Variants in TASP1 observed in about 807,000 individuals in gnomAD.
TASP1 encodes threonine aspartase 1.
In TASP1, 16 loss-of-function variants were observed where a neutral mutation model predicts 56.6. The observed-to-expected ratio is 0.28, with a 90% CI of 0.19 to 0.43. The LOEUF is 0.43. Ranked by LOEUF, TASP1 falls within the 20% of genes least tolerant of loss-of-function variation. The pLI is 1.00. For missense variants in TASP1, 393 were observed against 511.6 expected (o/e 0.77, Z 2.24); for synonymous variants, 179 against 184.2 (o/e 0.97, Z 0.23).
chr20:13,399,424 G>C (rs2041657647), intron 13 of TASP1, among the ~76,000 whole-genome samples: 1 of 152,114 alleles, frequency 6.6e-6, no homozygotes, highest in Non-Finnish European at 1.5e-5. Flanking sequence ...GTCCAGAACT[G>C]AGTTTCTGCT....
the TASP1 span, among the ~76,000 whole-genome samples, chr20:13,307,912 G>A: frequency 6.6e-6 from 1 of 152,216 alleles, no homozygotes; most frequent in Admixed American, 6.5e-5. Flanking sequence ...GTGCTTTTGG[G>A]TGTGCGTATT....
intron 10 of TASP1, among the ~76,000 whole-genome samples, chr20:13,521,270 C>A (rs1441688859): frequency 6.6e-6 from 1 of 152,170 alleles, no homozygotes; most frequent in Non-Finnish European, 1.5e-5. Context: ...AATCCCATTA[C>A]TGGGTATATA....
At position 13,581,062 on chromosome 20, in the gene TASP1, A is replaced by G. The variant is rs568982188; in HGVS notation, c.404-81T>C. 320 of 1,282,884 alleles carry G rather than the reference A, an allele frequency of 2.5e-4. 1 individual carries two copies. The South Asian group carries it at 4.0e-3, about 16-fold the overall frequency. 79.5% of individuals were successfully genotyped at this position (1,282,884 alleles called of 1,614,324 possible). A position where few individuals can be genotyped will look rare whatever the true frequency, so the allele number is the denominator to read the frequency against. Reference sequence around the variant, plus strand: ...CCCACTCAGTTTTGCAGTTGTTTCAATAAAACAACTTGAATATATCTTGGA... The same window carrying G: ...CCCACTCAGTTTTGCAGTTGTTTCAGTAAAACAACTTGAATATATCTTGGA... On this transcript the variant is annotated intron_variant, in intron 5 of 13. Transcript: ENST00000337743.
the TASP1 span, among the ~76,000 whole-genome samples, chr20:13,227,509 T>C: frequency 7.6e-6 from 1 of 131,390 alleles, no homozygotes; most frequent in Non-Finnish European, 1.6e-5. Context: ...AGCCCAACTT[T>C]TTTCTTTTTT....
chr20:13,292,486 T>C, the TASP1 span: 2 of 1,461,710 alleles, frequency 1.4e-6, no homozygotes, highest in African/African-American at 2.8e-5. Flanking sequence ...TCTTTTTTAA[T>C]CCAAATATTG....
At chr20:13,190,030 C>A in the TASP1 span, among the ~76,000 whole-genome samples, 26 of 152,274 alleles carry the variant, frequency 1.7e-4, no homozygotes, top group African/African-American at 6.3e-4. Flanking sequence ...GGCCATTATT[C>A]TACATGAATT....
intron 7 of TASP1, among the ~76,000 whole-genome samples, chr20:13,564,569 TA>T (rs1379010803): frequency 1.9e-4 from 28 of 151,128 alleles, no homozygotes; most frequent in Non-Finnish European, 3.8e-4. Context: ...TTTTTTTTTT[TA>T]AGAAATAGAA....
chr20:13,279,792 G>T, the TASP1 span: 1 of 1,614,056 alleles, frequency 6.2e-7, no homozygotes, highest in Non-Finnish European at 8.5e-7. Context: ...AGGACTACAA[G>T]TACGACAGTA....
chr20:13,179,539 T>C, the TASP1 span, among the ~76,000 whole-genome samples: 1 of 152,076 alleles, frequency 6.6e-6, no homozygotes, highest in Non-Finnish European at 1.5e-5. Flanking sequence ...TTCATTCTTG[T>C]TTAATGCCTT....
At chr20:13,555,426 T>G (rs1490719860) in intron 8 of TASP1, among the ~76,000 whole-genome samples, 1 of 151,480 alleles carries the variant, frequency 6.6e-6, no homozygotes, top group Non-Finnish European at 1.5e-5. Flanking sequence ...CTTTCTCATT[T>G]CAACCATACT....
At chr20:13,361,999 A>T in the TASP1 span, among the ~76,000 whole-genome samples, 30,803 of 146,172 alleles carry the variant, frequency 0.21, 3,851 homozygotes, top group African/African-American at 0.34. Flanking sequence ...GGCCATCACC[A>T]ATCATTCTAT....
At chr20:13,552,431 C>T (rs1361022178) in intron 8 of TASP1, among the ~76,000 whole-genome samples, 1 of 152,096 alleles carries the variant, frequency 6.6e-6, no homozygotes, top group African/African-American at 2.4e-5. Flanking sequence ...AAGTGAAATT[C>T]AAATGAAAGA....
intron 11 of TASP1, among the ~76,000 whole-genome samples, chr20:13,439,701 G>C (rs1484964380): frequency 6.6e-6 from 1 of 151,514 alleles, no homozygotes; most frequent in Non-Finnish European, 1.5e-5. Flanking sequence ...GGAAAATTTG[G>C]GCAAGTGTCC....
chr20:13,510,056 T>G (rs6109918), intron 10 of TASP1, among the ~76,000 whole-genome samples: 93,285 of 151,876 alleles, frequency 0.61, 29,279 homozygotes, highest in Non-Finnish European at 0.68. Flanking sequence ...TAACAAACCT[T>G]TACGTGTACC....
chr20:13,107,965 G>A, the TASP1 span, among the ~76,000 whole-genome samples: 5 of 151,806 alleles, frequency 3.3e-5, no homozygotes, highest in African/African-American at 7.3e-5. Context: ...TCTTAAGGAT[G>A]TTAAAGGAAG....
chr20:13,110,283 G>A, the TASP1 span: 2 of 1,353,812 alleles, frequency 1.5e-6, no homozygotes, highest in South Asian at 1.3e-5. Flanking sequence ...GTGCGGAAAG[G>A]CTCACCTTTC....
chr20:13,552,287 G>C (rs1011351154), intron 8 of TASP1, among the ~76,000 whole-genome samples: 1 of 152,154 alleles, frequency 6.6e-6, no homozygotes, highest in Non-Finnish European at 1.5e-5. Flanking sequence ...GACATTCTTT[G>C]AAAGTCTGTC....
the TASP1 span, among the ~76,000 whole-genome samples, chr20:13,254,464 C>CT: frequency 3.3e-5 from 5 of 152,150 alleles, no homozygotes; most frequent in African/African-American, 1.2e-4. Flanking sequence ...ACCTGCCCCC[C>CT]GCATCTCCTG....
At chr20:13,447,818 G>A (rs1035737112) in intron 11 of TASP1, among the ~76,000 whole-genome samples, 2 of 151,854 alleles carry the variant, frequency 1.3e-5, no homozygotes, top group Non-Finnish European at 2.9e-5. Flanking sequence ...ATCTTTATTG[G>A]GTACTTGTAT....
Sources: gnomAD v4.1 joint callset for allele counts (sites outside exome capture counted in the v4.1 genomes callset) on GRCh38, gnomAD v4.1.1 for gene constraint, MANE v1.5 for transcripts, NCBI Gene and HGNC (gene_info 2026-07-23, HGNC 2026-07-21) for gene names.